The following SOX6 variants were observed in gnomAD, a reference collection of about 807,000 sequenced individuals.
SOX6 encodes the protein SRY-box transcription factor 6.
SOX6 carries 11 observed loss-of-function variants against 97.8 expected under a neutral mutation model. The ratio of observed to expected loss-of-function variants is 0.11; its 90% CI spans 0.07 to 0.19. SOX6 has a LOEUF of 0.19. Ranked by LOEUF, SOX6 falls within the 10% of genes least tolerant of loss-of-function variation. SOX6 has a pLI of 1.00. For synonymous variants in SOX6, 360 were observed against 371.4 expected (o/e 0.97, Z 0.35); for missense variants, 810 against 1,039.5 (o/e 0.78, Z 3.04).
At chr11:16,722,785 T>A (rs927749027) in intron 2 of SOX6, among the ~76,000 whole-genome samples, 3 of 152,184 alleles carry the variant, frequency 2.0e-5, no homozygotes, top group Non-Finnish European at 2.9e-5. Context: ...AGATACCATC[T>A]CACACCAGTC....
intron 3 of SOX6, among the ~76,000 whole-genome samples, chr11:16,245,397 T>A (rs1853307964): frequency 6.6e-6 from 1 of 151,732 alleles, no homozygotes; most frequent in African/African-American, 2.4e-5. Flanking sequence ...ATAATAATTA[T>A]CCAGATGTTT....
At chr11:16,225,977 T>TA (rs1329974619) in intron 4 of SOX6, among the ~76,000 whole-genome samples, 1 of 152,120 alleles carries the variant, frequency 6.6e-6, no homozygotes, top group Non-Finnish European at 1.5e-5. Flanking sequence ...TAACAGGGAG[T>TA]AATGCTTCCA....
intron 2 of SOX6, among the ~76,000 whole-genome samples, chr11:16,732,364 G>A (rs1415127582): frequency 1.3e-5 from 2 of 152,180 alleles, no homozygotes; most frequent in Non-Finnish European, 2.9e-5. Context: ...AACCAAAACA[G>A]CATGGTACTG....
intron 4 of SOX6, among the ~76,000 whole-genome samples, chr11:16,534,170 C>T (rs1861275668): frequency 1.3e-5 from 2 of 152,076 alleles, no homozygotes; most frequent in Non-Finnish European, 2.9e-5. Flanking sequence ...TTATTCATCT[C>T]TTAATCTATA....
chr11:16,448,176 G>A (rs1859649509), intron 1 of SOX6, among the ~76,000 whole-genome samples: 1 of 152,158 alleles, frequency 6.6e-6, no homozygotes, highest in Non-Finnish European at 1.5e-5. Flanking sequence ...TTTTCACTTG[G>A]TTGGTGGGCA....
intron 4 of SOX6, among the ~76,000 whole-genome samples, chr11:16,551,461 T>A (rs963200096): frequency 6.6e-6 from 1 of 152,132 alleles, no homozygotes; most frequent in Non-Finnish European, 1.5e-5. Context: ...GCAAAGATTT[T>A]CAGATTGTCT....
intron 3 of SOX6, among the ~76,000 whole-genome samples, chr11:16,301,345 A>G (rs1855250908): frequency 6.6e-6 from 1 of 152,226 alleles, no homozygotes; most frequent in East Asian, 1.9e-4. Flanking sequence ...AGTCGATTTA[A>G]TGCTACCATA....
At chr11:16,594,684 C>CT (rs10653599) in intron 4 of SOX6, among the ~76,000 whole-genome samples, 31,585 of 65,654 alleles carry the variant, frequency 0.48, 12,211 homozygotes, top group Non-Finnish European at 0.58. Flanking sequence ...TCGGTTTTTG[C>CT]TTTTTTTTTT....
intron 6 of SOX6, among the ~76,000 whole-genome samples, chr11:16,132,501 A>C (rs36003729): frequency 0.17 from 13,336 of 79,698 alleles, 2,696 homozygotes; most frequent in Non-Finnish European, 0.2. Flanking sequence ...AGAAAGAAAG[A>C]AAGAAAGCTT....
rs147039070 is a variant in SOX6, at chr11:15,982,420, C to T, written c.2183+3784G>A. Among the ~76,000 whole-genome samples, 607 of 152,110 alleles carry T rather than the reference C, an allele frequency of 4.0e-3. 3 individuals carry two copies. Among genetic ancestry groups the T allele is most frequent in the Non-Finnish European group, 6.2e-3 (421 of 67,946 alleles). On this transcript the variant is annotated intron_variant, in intron 15 of 15. Transcript: ENST00000683767. The stretch of plus-strand genomic sequence containing the variant: ...ATTCAATAATCTATCTTTATCATTG[C>T]TAAAAAAGTAGCCCCAAATTTAATA...
At chr11:16,559,720 C>T (rs961825875) in intron 4 of SOX6, among the ~76,000 whole-genome samples, 3 of 152,060 alleles carry the variant, frequency 2.0e-5, no homozygotes, top group Non-Finnish European at 4.4e-5. Context: ...AATGACTTTA[C>T]CCCTTCCTCT....
intron 4 of SOX6, among the ~76,000 whole-genome samples, chr11:16,508,946 T>A (rs1217083438): frequency 6.6e-6 from 1 of 151,974 alleles, no homozygotes; most frequent in Non-Finnish European, 1.5e-5. Flanking sequence ...GTATACTCCA[T>A]AAATATATGC....
At chr11:16,717,820 C>G (rs890581270) in intron 2 of SOX6, among the ~76,000 whole-genome samples, 1 of 151,344 alleles carries the variant, frequency 6.6e-6, no homozygotes, top group African/African-American at 2.4e-5. Flanking sequence ...AGTTATTCTC[C>G]TCGTTTCCTT....
intron 3 of SOX6, among the ~76,000 whole-genome samples, chr11:16,688,473 G>A (rs557965575): frequency 6.6e-6 from 1 of 151,798 alleles, no homozygotes; most frequent in Non-Finnish European, 1.5e-5. Context: ...GTCATTTTTC[G>A]CTGTGTGTTT....
chr11:16,262,907 C>T (rs1018129256), intron 3 of SOX6, among the ~76,000 whole-genome samples: 1 of 151,866 alleles, frequency 6.6e-6, no homozygotes, highest in East Asian at 1.9e-4. Flanking sequence ...TGTGACAGTT[C>T]CAAACCTAAA....
chr11:16,721,573 T>TCCCC (rs1564877380), intron 2 of SOX6, among the ~76,000 whole-genome samples: 2 of 11,226 alleles, frequency 1.8e-4, no homozygotes, highest in Non-Finnish European at 3.2e-4. Flanking sequence ...CCTCCCTCCC[T>TCCCC]CCCTCCCTCT....
At chr11:16,371,660 T>C (rs994905789) in intron 1 of SOX6, among the ~76,000 whole-genome samples, 2 of 152,100 alleles carry the variant, frequency 1.3e-5, no homozygotes, top group East Asian at 1.9e-4. Flanking sequence ...TATGTGTACA[T>C]AGACACATTA....
At chr11:16,654,256 C>T (rs1847693721) in intron 3 of SOX6, among the ~76,000 whole-genome samples, 1 of 152,182 alleles carries the variant, frequency 6.6e-6, no homozygotes, top group East Asian at 1.9e-4. Context: ...GTAGGCTTGA[C>T]CTTTCAGTCT....
At chr11:16,390,176 C>T (rs563808440) in intron 1 of SOX6, among the ~76,000 whole-genome samples, 1 of 144,838 alleles carries the variant, frequency 6.9e-6, no homozygotes, top group South Asian at 2.1e-4. Flanking sequence ...CTTTCTGTGG[C>T]TTTTTCCTTC....
Sources: gnomAD v4.1 joint callset for allele counts (sites outside exome capture counted in the v4.1 genomes callset) on GRCh38, gnomAD v4.1.1 for gene constraint, MANE v1.5 for transcripts, NCBI Gene and HGNC (gene_info 2026-07-23, HGNC 2026-07-21) for gene names.